Variants in SH3D19 observed in about 807,000 individuals in gnomAD.
SH3D19 encodes SH3 domain containing 19.
Under a neutral mutation model 112.1 loss-of-function variants are expected in SH3D19, and 58 were observed. The ratio of observed to expected loss-of-function variants is 0.52; its 90% CI spans 0.42 to 0.64. The LOEUF is 0.64. Among genes scored for constraint, SH3D19 ranks in the 30% least tolerant of loss-of-function variants. The probability of loss-of-function intolerance (pLI) is 0.00; values close to 1 mark genes in which losing one functional copy is unlikely to be tolerated. For missense variants in SH3D19, 1,090 were observed against 1,263.4 expected (o/e 0.86, Z 2.08); for synonymous variants, 391 against 448.5 (o/e 0.87, Z 1.62).
At chr4:151,308,057 C>T (rs989802978) in intron 1 of SH3D19, among the ~76,000 whole-genome samples, 6 of 152,128 alleles carry the variant, frequency 3.9e-5, no homozygotes, top group Admixed American at 1.3e-4. Flanking sequence ...AGGCACGGGC[C>T]ACCACACCCA....
chr4:151,252,844 A>G (rs1459039856), intron 1 of SH3D19, among the ~76,000 whole-genome samples: 1 of 152,172 alleles, frequency 6.6e-6, no homozygotes, highest in Non-Finnish European at 1.5e-5. Context: ...GGCCAAATGG[A>G]GTCATCCTTG....
Position 151,175,526 on chromosome 4 carries a change from T to C in SH3D19, c.678A>G (p.Pro226=). Residue 226 remains proline, a synonymous_variant, in exon 7 of 20, where the codon CCA becomes CCG. Transcript: ENST00000604030. ...ENPSATRCPV[P]KPRSKSNLRP... is the part of the protein sequence containing the mutation. ...TGAGGTTGCTTTTTGATCTTGGTTTTGGCACTGGACATCTTGTAGCACTGG... is the reference window on the plus strand; with the variant it reads ...TGAGGTTGCTTTTTGATCTTGGTTTCGGCACTGGACATCTTGTAGCACTGG... The C allele has an allele frequency of 7.1e-7, 1 of 1,408,188 alleles. No individual in the cohort carries two copies. Among genetic ancestry groups the C allele is most frequent in the East Asian group, 2.6e-5 (1 of 38,640 alleles). 87.2% of individuals were successfully genotyped at this position (1,408,188 alleles called of 1,614,324 possible).
chr4:151,245,850 C>T (rs1770908301), intron 1 of SH3D19, among the ~76,000 whole-genome samples: 2 of 152,290 alleles, frequency 1.3e-5, no homozygotes, highest in East Asian at 3.9e-4. Context: ...GACTGCCTGC[C>T]TTGGCCTCCC....
rs1752711656 is a variant in SH3D19, at chr4:151,140,058, C to T, written c.2224-211G>A. 6.2e-6 allele frequency: 3 copies of T among 482,458 alleles called. No individual in the cohort carries two copies. In the East Asian group the frequency reaches 1.0e-4, roughly 16 times the overall value. 29.9% of individuals were successfully genotyped at this position (482,458 alleles called of 1,614,324 possible). A position where few individuals can be genotyped will look rare whatever the true frequency, so the allele number is the denominator to read the frequency against. The stretch of plus-strand genomic sequence containing the variant: ...CCTTGCTAAGGGAGGATGAAAATCT[C>T]AATTAAAATATCCCCCAGTATGTTT... On this transcript the variant is annotated intron_variant, in intron 12 of 19. Transcript: ENST00000604030.
chr4:151,202,251 C>T (rs1365882880), intron 2 of SH3D19, among the ~76,000 whole-genome samples: 2 of 152,160 alleles, frequency 1.3e-5, no homozygotes, highest in African/African-American at 4.8e-5. Flanking sequence ...AGGAGAATCG[C>T]TTGAACTCAG....
intron 1 of SH3D19, among the ~76,000 whole-genome samples, chr4:151,245,732 G>C (rs774782315): frequency 6.6e-6 from 1 of 152,202 alleles, no homozygotes; most frequent in Non-Finnish European, 1.5e-5. Flanking sequence ...CTCCTGAGTA[G>C]CTGGGATTAC....
chr4:151,142,199 T>C (rs1179566177), intron 12 of SH3D19, among the ~76,000 whole-genome samples: 1 of 152,242 alleles, frequency 6.6e-6, no homozygotes, highest in Non-Finnish European at 1.5e-5. Flanking sequence ...ATACCTTATA[T>C]GCATTAGCTC....
intron 1 of SH3D19, among the ~76,000 whole-genome samples, chr4:151,227,059 G>A (rs184831727): frequency 1.0e-3 from 153 of 152,224 alleles, no homozygotes; most frequent in Non-Finnish European, 2.0e-3. Context: ...AAGCAATGAC[G>A]TTAAGAAAAA....
rs187268163 is a variant in SH3D19 at position 151,233,883 on chromosome 4, G to T, written c.113-7797C>A. 2.3e-3 allele frequency among the ~76,000 whole-genome samples: 347 copies of T among 152,276 alleles called. 4 individuals carry two copies. Among genetic ancestry groups the T allele is most frequent in the Non-Finnish European group, 3.2e-3 (217 of 68,030 alleles). On this transcript the variant is annotated intron_variant, in intron 1 of 19. Coordinates refer to ENST00000604030, the MANE Select transcript of SH3D19 (RefSeq NM_001378122.1). ...CTAAGCAGCGTCTGATGTAGGCAGG[G>T]TCTCTGTGTTAGACTCTGCTTCACA...
At chr4:151,216,260 T>C (rs1294596104) in intron 2 of SH3D19, among the ~76,000 whole-genome samples, 1 of 152,262 alleles carries the variant, frequency 6.6e-6, no homozygotes, top group East Asian at 1.9e-4. Flanking sequence ...AATTAGCTAG[T>C]ACGCTTCTGT....
chr4:151,209,731 A>G (rs1674054838), intron 2 of SH3D19, among the ~76,000 whole-genome samples: 1 of 152,208 alleles, frequency 6.6e-6, no homozygotes, highest in South Asian at 2.1e-4. Context: ...ATACAGGCTT[A>G]AGAGTTATGC....
intron 2 of SH3D19, among the ~76,000 whole-genome samples, chr4:151,192,021 T>A (rs948218936): frequency 1.3e-5 from 2 of 148,416 alleles, no homozygotes; most frequent in African/African-American, 2.5e-5. Context: ...CTTGGCTCAC[T>A]GCAAGCTCCG....
intron 1 of SH3D19, among the ~76,000 whole-genome samples, chr4:151,228,559 T>C (rs1324177178): frequency 6.6e-6 from 1 of 152,154 alleles, no homozygotes. Context: ...TTCATGATAG[T>C]CAAGATTATT....
intron 1 of SH3D19, among the ~76,000 whole-genome samples, chr4:151,286,077 C>G (rs1470944470): frequency 1.3e-5 from 2 of 148,336 alleles, no homozygotes; most frequent in African/African-American, 5.0e-5. Context: ...ACTTGTGGTC[C>G]CAGCTACTTG....
intron 1 of SH3D19, among the ~76,000 whole-genome samples, chr4:151,296,784 G>A (rs1775745394): frequency 6.6e-6 from 1 of 152,070 alleles, no homozygotes; most frequent in South Asian, 2.1e-4. Flanking sequence ...AATCCTATGA[G>A]CAATTTTTTT....
At chr4:151,202,595 G>GT (rs1265238701) in intron 2 of SH3D19, among the ~76,000 whole-genome samples, 1 of 152,122 alleles carries the variant, frequency 6.6e-6, no homozygotes, top group Non-Finnish European at 1.5e-5. Flanking sequence ...TGTTTCTTGC[G>GT]TCATGGCCCT....
chr4:151,306,134 A>G (rs1252886755), intron 1 of SH3D19, among the ~76,000 whole-genome samples: 1 of 152,238 alleles, frequency 6.6e-6, no homozygotes, highest in Non-Finnish European at 1.5e-5. Flanking sequence ...AAAGGCGTGC[A>G]CAGGTCTGAC....
chr4:151,255,006 A>C (rs1771725269), intron 1 of SH3D19, among the ~76,000 whole-genome samples: 1 of 141,488 alleles, frequency 7.1e-6, no homozygotes, highest in Non-Finnish European at 1.5e-5. Flanking sequence ...GGGGCTCCTC[A>C]CTTCCCAGTA....
Position 151,174,877 on chromosome 4 carries a change from G to T in SH3D19, c.1327C>A (p.Pro443Thr), listed in dbSNP as rs201225279. 2.5e-6 allele frequency: 4 copies of T among 1,610,500 alleles called. No individual in the cohort carries two copies. The highest frequency in any genetic ancestry group is 2.7e-5 in the African/African-American group (2 of 74,920). Residue 443 changes from proline to threonine, a missense_variant, in exon 7 of 20, where the codon CCT (proline) becomes ACT (threonine). Pro to Thr is a conservative substitution (Grantham distance 38). Transcript: ENST00000604030. The part of the protein sequence containing the change: ...NPTYPSAPLK[P>T]VTVPPRLAGA... ...GCGAGTCGGGGAGGAACAGTGACAG[G>T]TTTCAGTGGAGCTGAAGGGTAGGTG...
Sources: gnomAD v4.1 joint callset for allele counts (sites outside exome capture counted in the v4.1 genomes callset) on GRCh38, gnomAD v4.1.1 for gene constraint, MANE v1.5 for transcripts, NCBI Gene and HGNC (gene_info 2026-07-23, HGNC 2026-07-21) for gene names.